Variants in TRHDE observed in about 807,000 individuals in gnomAD.
TRHDE encodes the protein thyrotropin releasing hormone degrading enzyme.
TRHDE carries 72 observed loss-of-function variants against 125.7 expected under a neutral mutation model. That is an observed-to-expected ratio of 0.57 (90% CI 0.47 to 0.70). The LOEUF is 0.70. Ranked by LOEUF, TRHDE falls within the 30% of genes least tolerant of loss-of-function variation. The pLI is 0.00. For missense variants in TRHDE, 1,110 were observed against 1,327.1 expected (o/e 0.84, Z 2.54); for synonymous variants, 509 against 509.1 (o/e 1.00, Z 0.00).
intron 2 of TRHDE, among the ~76,000 whole-genome samples, chr12:72,229,135 T>A (rs991169904): frequency 2.0e-5 from 3 of 152,172 alleles, no homozygotes; most frequent in Non-Finnish European, 4.4e-5. Context: ...TTTCTGGTAC[T>A]AATGTCTGCA....
chr12:72,139,539 A>T (rs977662721), intron 2 of TRHDE, among the ~76,000 whole-genome samples: 1 of 152,170 alleles, frequency 6.6e-6, no homozygotes, highest in East Asian at 1.9e-4. Context: ...ATGAATAGAG[A>T]TGTCTTCAGC....
At chr12:72,138,268 C>T (rs145511973) in intron 2 of TRHDE, among the ~76,000 whole-genome samples, 6,175 of 151,874 alleles carry the variant, frequency 0.041, 250 homozygotes, top group African/African-American at 0.1. Context: ...CCAGCTACTC[C>T]GGAGGCTGAG....
intron 6 of TRHDE, among the ~76,000 whole-genome samples, chr12:72,517,156 CAT>C (rs1195899691): frequency 6.6e-6 from 1 of 151,546 alleles, no homozygotes; most frequent in Non-Finnish European, 1.5e-5. Flanking sequence ...ATGCTGGCCT[CAT>C]AAAATGAGTT....
intron 2 of TRHDE, among the ~76,000 whole-genome samples, chr12:72,241,810 A>G (rs1592496859): frequency 6.6e-6 from 1 of 152,326 alleles, no homozygotes; most frequent in South Asian, 2.1e-4. Flanking sequence ...TGCTTATGGT[A>G]TCATCATCAG....
chr12:72,220,942 T>A (rs1409097846), intron 2 of TRHDE, among the ~76,000 whole-genome samples: 3 of 152,152 alleles, frequency 2.0e-5, no homozygotes, highest in Non-Finnish European at 4.4e-5. Context: ...TTTATTTTTT[T>A]AAATGTATTA....
At chr12:72,098,212 T>C (rs1874982174) in intron 1 of TRHDE, among the ~76,000 whole-genome samples, 1 of 152,164 alleles carries the variant, frequency 6.6e-6, no homozygotes, top group South Asian at 2.1e-4. Context: ...AGATTCTTTA[T>C]GGTTGACTGT....
intron 17 of TRHDE, among the ~76,000 whole-genome samples, chr12:72,656,454 AAAT>A (rs1422866362): frequency 1.1e-4 from 17 of 152,154 alleles, no homozygotes; most frequent in African/African-American, 3.9e-4. Context: ...TCTAAGAATA[AAAT>A]AATATGAAAA....
intron 2 of TRHDE, among the ~76,000 whole-genome samples, chr12:72,115,383 C>A (rs546860272): frequency 6.6e-6 from 1 of 152,032 alleles, no homozygotes; most frequent in African/African-American, 2.4e-5. Context: ...GGATCTTATT[C>A]TTTTTTATGG....
rs1875102402 is a variant in TRHDE at position 72,666,033 on chromosome 12, A to G, written c.*2838A>G. ...ATCTCCAGGACAATTATATCATAGG[A>G]CTAAGATTTTTGTGATAGTATTATT... On this transcript the variant is annotated 3_prime_UTR_variant, in exon 19 of 19. Transcript: ENST00000261180. 6.6e-6 allele frequency: 1 copy of G among 152,054 alleles called. No individual in the cohort carries two copies. Among genetic ancestry groups the G allele is most frequent in the African/African-American group, 2.4e-5 (1 of 41,400 alleles). 9.4% of individuals were successfully genotyped at this position (152,054 alleles called of 1,614,324 possible).
chr12:72,333,149 TTCTA>T (rs748707553), intron 2 of TRHDE, among the ~76,000 whole-genome samples: 11 of 152,220 alleles, frequency 7.2e-5, no homozygotes, highest in Non-Finnish European at 1.5e-4. Flanking sequence ...CTCATTACCT[TTCTA>T]TCTCTTCTTC....
intron 7 of TRHDE, among the ~76,000 whole-genome samples, chr12:72,549,976 T>C (rs1462018059): frequency 6.6e-6 from 1 of 151,896 alleles, no homozygotes; most frequent in Non-Finnish European, 1.5e-5. Flanking sequence ...TATATATCTC[T>C]ATTTAATAAT....
intron 12 of TRHDE, 109 bp downstream of exon 12, chr12:72,575,651 A>G (rs775650827): frequency 3.8e-6 from 4 of 1,055,204 alleles, no homozygotes; most frequent in Non-Finnish European, 4.2e-6. Flanking sequence ...AAAAAAATCT[A>G]TTTCTATCTT....
intron 2 of TRHDE, among the ~76,000 whole-genome samples, chr12:72,208,465 A>T (rs958699460): frequency 2.6e-5 from 4 of 152,226 alleles, no homozygotes; most frequent in African/African-American, 9.6e-5. Flanking sequence ...AGTATAAAAT[A>T]GGAAGAGATG....
chr12:72,489,764 A>C (rs551682623), intron 5 of TRHDE, among the ~76,000 whole-genome samples: 1 of 151,814 alleles, frequency 6.6e-6, no homozygotes, highest in Non-Finnish European at 1.5e-5. Flanking sequence ...TCTTTAATAC[A>C]TGGTGCTGAG....
chr12:72,109,541 A>G (rs574299496), intron 2 of TRHDE, among the ~76,000 whole-genome samples: 1 of 152,212 alleles, frequency 6.6e-6, no homozygotes, highest in African/African-American at 2.4e-5. Context: ...ACTGTTTCCG[A>G]CTGCTATTTT....
intron 2 of TRHDE, among the ~76,000 whole-genome samples, chr12:72,200,984 A>G (rs574170236): frequency 6.6e-6 from 1 of 152,266 alleles, no homozygotes; most frequent in East Asian, 1.9e-4. Context: ...GTGATACAGG[A>G]AGATTTCCTA....
intron 18 of TRHDE, among the ~76,000 whole-genome samples, chr12:72,662,179 A>C (rs550050432): frequency 6.6e-6 from 1 of 152,072 alleles, no homozygotes; most frequent in Non-Finnish European, 1.5e-5. Context: ...ACCCCACACT[A>C]ATTACACCAC....
chr12:72,613,647 A>G (rs758545067), intron 12 of TRHDE, among the ~76,000 whole-genome samples: 12 of 152,184 alleles, frequency 7.9e-5, no homozygotes, highest in Admixed American at 6.6e-5. Context: ...ATGCTATGAG[A>G]AAATCATGAC....
chr12:72,634,430 T>C (rs183552901), intron 15 of TRHDE, among the ~76,000 whole-genome samples: 1 of 152,212 alleles, frequency 6.6e-6, no homozygotes, highest in East Asian at 1.9e-4. Flanking sequence ...TTTCTTTTTT[T>C]TTTTTTTAAC....
Sources: allele counts gnomAD v4.1 joint callset (sites outside exome capture counted in the v4.1 genomes callset), GRCh38; gene constraint gnomAD v4.1.1; transcripts MANE v1.5; gene names NCBI Gene and HGNC (gene_info 2026-07-23, HGNC 2026-07-21).